The following SMC1A variants were observed in gnomAD, a reference collection of about 807,000 sequenced individuals.
SMC1A encodes structural maintenance of chromosomes 1A, also known as structural maintenance of chromosomes protein 1A.
SMC1A carries 4 observed loss-of-function variants against 94.5 expected under a neutral mutation model. That is an observed-to-expected ratio of 0.04 (90% confidence interval 0.02 to 0.10). SMC1A has a LOEUF of 0.10. Ranked by LOEUF, SMC1A falls within the 10% of genes least tolerant of loss-of-function variation. SMC1A has a pLI of 1.00. For missense variants in SMC1A, 304 were observed against 989.0 expected (o/e 0.31, Z 9.29); for synonymous variants, 345 against 347.7 (o/e 0.99, Z 0.09).
chrX:53,396,041 A>C (rs916607369), intron 18 of SMC1A, among the ~76,000 whole-genome samples, 186 bp downstream of exon 18: 4 of 110,814 alleles, frequency 3.6e-5, no homozygotes, highest in African/African-American at 1.3e-4. Context: ...CAAAGCCATT[A>C]TTACCTTTCG....
At chrX:53,399,256 T>C (rs782812710) in intron 16 of SMC1A, among the ~76,000 whole-genome samples, 77 of 111,917 alleles carry the variant, frequency 6.9e-4, no homozygotes, top group Non-Finnish European at 1.2e-3. Context: ...AAAAAAAGAA[T>C]ACTGGTCTCC....
chrX:53,385,296 A>G (rs1245156165), intron 19 of SMC1A, among the ~76,000 whole-genome samples: 2 of 90,393 alleles, frequency 2.2e-5, no homozygotes, highest in African/African-American at 8.6e-5. Context: ...TTTGAGACGG[A>G]GTCTTCCTCT....
intron 16 of SMC1A, among the ~76,000 whole-genome samples, chrX:53,397,346 C>A (rs782670977): frequency 9.7e-4 from 108 of 111,311 alleles, no homozygotes; most frequent in African/African-American, 3.4e-3. Flanking sequence ...TTTGGGAAGC[C>A]AAGGTGGGCA....
intron 19 of SMC1A, among the ~76,000 whole-genome samples, chrX:53,391,185 C>G (rs1262093150): frequency 9.2e-6 from 1 of 108,482 alleles, no homozygotes; most frequent in Non-Finnish European, 1.9e-5. Context: ...CATGGTGGCG[C>G]ATGCCTGTAA....
At chrX:53,380,258 C>T in intron 24 of SMC1A, 72 bp from the exon 25 acceptor site, 2 of 783,935 alleles carry the variant, frequency 2.6e-6, no homozygotes, top group Non-Finnish European at 1.9e-6. Context: ...TGCCCCAGGA[C>T]CAGGGGCCTC....
chrX:53,380,247 G>C, intron 24 of SMC1A, 61 bp from the exon 25 acceptor site: 2 of 879,651 alleles, frequency 2.3e-6, no homozygotes, highest in Non-Finnish European at 3.3e-6. Context: ...GAGGGGTCTA[G>C]TGCCCCAGGA....
At chrX:53,417,429 T>C (rs1556891437) in intron 1 of SMC1A, among the ~76,000 whole-genome samples, 1 of 107,961 alleles carries the variant, frequency 9.3e-6, no homozygotes, top group African/African-American at 3.4e-5. Context: ...CACATGCCTG[T>C]AATCCCAGCT....
At chrX:53,388,211 C>G (rs782135395) in intron 19 of SMC1A, among the ~76,000 whole-genome samples, 1 of 111,437 alleles carries the variant, frequency 9.0e-6, no homozygotes, top group African/African-American at 3.3e-5. Context: ...GTAGCCACAA[C>G]AAACAAGCGA....
rs1223587685 is a variant in SMC1A, at chrX:53,379,825, G to A, written c.*278C>T. The A allele has an allele frequency of 4.4e-5, 18 of 412,809 alleles. No homozygotes were observed. The highest frequency in any genetic ancestry group is 4.2e-4 in the African/African-American group (17 of 40,283). 34.0% of individuals were successfully genotyped at this position (412,809 alleles called of 1,213,427 possible). A position where few individuals can be genotyped will look rare whatever the true frequency, so the allele number is the denominator to read the frequency against. On this transcript the variant is annotated 3_prime_UTR_variant, in exon 25 of 25. Transcript: ENST00000322213. ...GAGGCCCAAGGGGCCCACGATTATGGGTGATGAGGGGGAGGAAGGGGGTGT... is the reference window on the plus strand; with the variant it reads ...GAGGCCCAAGGGGCCCACGATTATGAGTGATGAGGGGGAGGAAGGGGGTGT...
At chrX:53,409,567 A>C in intron 7 of SMC1A, 64 bp from the exon 8 acceptor site, 1 of 896,207 alleles carries the variant, frequency 1.1e-6, no homozygotes, top group Non-Finnish European at 1.6e-6. Flanking sequence ...TGGGGGCTCT[A>C]GATCACACCC....
intron 19 of SMC1A, among the ~76,000 whole-genome samples, chrX:53,384,354 C>G (rs1471612698): frequency 9.2e-6 from 1 of 108,148 alleles, no homozygotes; most frequent in Admixed American, 9.9e-5. Flanking sequence ...AGCTCCACTT[C>G]CCAGGCTCAA....
rs782468967 is a variant in SMC1A at position 53,375,861 on chromosome X, A to G, written c.*4242T>C. 3 of 112,135 alleles carry G rather than the reference A, an allele frequency of 2.7e-5. No homozygotes were observed. The highest frequency in any genetic ancestry group is 5.6e-5 in the Non-Finnish European group (3 of 53,188). The allele number at this position is 112,135 out of a possible 1,213,427, so 9.2% of individuals were successfully genotyped here. On this transcript the variant is annotated 3_prime_UTR_variant, in exon 25 of 25. Coordinates refer to ENST00000322213, the MANE Select transcript of SMC1A (RefSeq NM_006306.4). ...AGTTATCATCTTACCTTAACAGTTC[A>G]CACCTTAACACCTCCAATCTATTCC...
At chrX:53,413,945 C>T (rs1837301994) in intron 3 of SMC1A, among the ~76,000 whole-genome samples, 1 of 109,262 alleles carries the variant, frequency 9.2e-6, no homozygotes, top group South Asian at 3.9e-4. Context: ...GGCATGGCGG[C>T]GGGCGCCTGT....
At chrX:53,396,444 C>T (rs1556888029) in intron 17 of SMC1A, 28 bp downstream of exon 17, 1 of 1,211,069 alleles carries the variant, frequency 8.3e-7, no homozygotes, top group South Asian at 1.8e-5. Context: ...TATCTACGTC[C>T]TCCCACCCCA....
intron 7 of SMC1A, among the ~76,000 whole-genome samples, 187 bp downstream of exon 7, chrX:53,411,574 C>T (rs1028374268): frequency 9.1e-6 from 1 of 110,028 alleles, no homozygotes; most frequent in Non-Finnish European, 1.9e-5. Context: ...TGGGCAAGAG[C>T]GAAACTCTGT....
At chrX:53,406,644 G>A (rs2075692107) in intron 9 of SMC1A, among the ~76,000 whole-genome samples, 1 of 111,530 alleles carries the variant, frequency 9.0e-6, no homozygotes, top group East Asian at 2.8e-4. Flanking sequence ...CATGATCATG[G>A]ACTAGACTAA....
In SMC1A at chrX:53,416,464, C is replaced by T. The variant is rs782370009; in HGVS notation, c.110-1295G>A. The stretch of plus-strand genomic sequence containing the variant: ...GGAGTGCAGTGGCGTGATCTCAGCT[C>T]ACCACAACCTCCGACTCCCTGGTTC... On this transcript the variant is annotated intron_variant, in intron 1 of 24. Transcript: ENST00000322213. Among the ~76,000 whole-genome samples the T allele has an allele frequency of 2.8e-5, 3 of 105,947 alleles. No individual in the cohort carries two copies. The South Asian group carries it at 1.3e-3, about 47-fold the overall frequency. 92.0% of individuals were successfully genotyped at this position (105,947 alleles called of 115,157 possible).
chrX:53,383,617 G>A (rs2075593565), intron 19 of SMC1A, among the ~76,000 whole-genome samples: 2 of 112,506 alleles, frequency 1.8e-5, no homozygotes, highest in South Asian at 3.7e-4. Flanking sequence ...CACACTGGCC[G>A]CTTTGGACTC....
chrX:53,388,617 T>C (rs1328040993), intron 19 of SMC1A, among the ~76,000 whole-genome samples: 1 of 109,261 alleles, frequency 9.2e-6, no homozygotes, highest in Non-Finnish European at 1.9e-5. Context: ...ATTGAAATCA[T>C]ACTCCTGAGG....
Sources: gnomAD v4.1 joint callset for allele counts (sites outside exome capture counted in the v4.1 genomes callset) on GRCh38, gnomAD v4.1.1 for gene constraint, MANE v1.5 for transcripts, NCBI Gene and HGNC (gene_info 2026-07-23, HGNC 2026-07-21) for gene names.